The following SPAG16 variants were observed in gnomAD, a reference collection of about 807,000 sequenced individuals.
SPAG16 encodes the protein sperm-associated antigen 16 protein.
Under a neutral mutation model 80.4 loss-of-function variants are expected in SPAG16, and 86 were observed. That is an observed-to-expected ratio of 1.07 (90% confidence interval 0.90 to 1.28). SPAG16 has a LOEUF of 1.28. SPAG16 is among the 50% of genes most tolerant of loss of function. The pLI, the probability that SPAG16 is intolerant of heterozygous loss-of-function variation, is 0.00. For missense variants in SPAG16, 870 were observed against 765.3 expected (o/e 1.14, Z -1.61); for synonymous variants, 294 against 265.9 (o/e 1.11, Z -1.03).
chr2:213,763,038 A>C (rs1395502406), intron 10 of SPAG16, among the ~76,000 whole-genome samples: 2 of 152,232 alleles, frequency 1.3e-5, no homozygotes, highest in East Asian at 3.8e-4. Context: ...AAAGGTGCTC[A>C]CCATCACTAA....
chr2:213,401,534 C>CA lies in SPAG16; in HGVS notation c.942+26421dup, dbSNP rs149213255. Among the ~76,000 whole-genome samples, 904 of 152,250 alleles carry CA rather than the reference C, an allele frequency of 5.9e-3. 3 individuals are homozygous for CA. Among genetic ancestry groups the CA allele is most frequent in the Non-Finnish European group, 9.6e-3 (655 of 67,986 alleles). ...TATTCTTCATTTTTACAGTGAAATA[C>CA]AAAAAATCTCCTTTAAAAAGCTACT... On this transcript the variant is annotated intron_variant, in intron 9 of 15. Coordinates refer to ENST00000331683, the MANE Select transcript of SPAG16 (RefSeq NM_024532.5).
intron 14 of SPAG16, among the ~76,000 whole-genome samples, chr2:214,147,626 C>G (rs1391298163): frequency 1.3e-5 from 2 of 152,096 alleles, no homozygotes; most frequent in Non-Finnish European, 2.9e-5. Flanking sequence ...CTGTTCTTTC[C>G]TTTTCTGAAA....
intron 10 of SPAG16, among the ~76,000 whole-genome samples, chr2:213,817,560 T>A (rs534680758): frequency 1.2e-4 from 19 of 152,074 alleles, no homozygotes; most frequent in African/African-American, 3.4e-4. Flanking sequence ...CTATTTACAA[T>A]AGGAAAGACA....
At chr2:213,293,775 C>T (rs2062389904) in intron 1 of SPAG16, among the ~76,000 whole-genome samples, 1 of 152,146 alleles carries the variant, frequency 6.6e-6, no homozygotes, top group Non-Finnish European at 1.5e-5. Context: ...CTTATTGTTC[C>T]TTTTTCAGCG....
rs76308924 is a variant in SPAG16 at position 213,978,149 on chromosome 2, G to A, written c.1401-35802G>A. On this transcript the variant is annotated intron_variant, in intron 12 of 15. Transcript: ENST00000331683. ...TCTACTAATTCTATCCTTGTTTCCC[G>A]TCTTGGGACACTGGAAATCTTCAAA... 6.4e-3 allele frequency among the ~76,000 whole-genome samples: 977 copies of A among 151,492 alleles called. 7 individuals carry two copies. Among genetic ancestry groups the A allele is most frequent in the African/African-American group, 0.022 (913 of 41,274 alleles).
chr2:214,237,095 A>G (rs1488454195), intron 15 of SPAG16, among the ~76,000 whole-genome samples: 1 of 152,202 alleles, frequency 6.6e-6, no homozygotes, highest in African/African-American at 2.4e-5. Flanking sequence ...TATGTAGAGT[A>G]TTGACCCTTT....
At chr2:214,406,806 T>C (rs962836083) in intron 15 of SPAG16, among the ~76,000 whole-genome samples, 1 of 152,130 alleles carries the variant, frequency 6.6e-6, no homozygotes, top group African/African-American at 2.4e-5. Context: ...ATGCTCCTCA[T>C]TGAGTCCTAT....
At chr2:213,430,981 G>A (rs1230956973) in intron 9 of SPAG16, among the ~76,000 whole-genome samples, 1 of 152,118 alleles carries the variant, frequency 6.6e-6, no homozygotes, top group East Asian at 1.9e-4. Flanking sequence ...GCCAGAATAA[G>A]CTTCATAAAT....
intron 15 of SPAG16, among the ~76,000 whole-genome samples, chr2:214,269,997 T>C (rs1233424952): frequency 6.6e-6 from 1 of 152,200 alleles, no homozygotes; most frequent in Non-Finnish European, 1.5e-5. Flanking sequence ...AGAGAATGTC[T>C]TTTGACTTTT....
chr2:214,126,001 TC>T (rs2054460161), intron 14 of SPAG16, among the ~76,000 whole-genome samples: 1 of 8,036 alleles, frequency 1.2e-4, no homozygotes, highest in Non-Finnish European at 2.4e-4. Context: ...CTTCCTTCTT[TC>T]CTTCCTTCCT....
intron 10 of SPAG16, among the ~76,000 whole-genome samples, chr2:213,643,596 T>C (rs115380378): frequency 0.013 from 1,917 of 149,612 alleles, 17 homozygotes; most frequent in South Asian, 0.037. Flanking sequence ...GAATAAACTT[T>C]CTACCCCTAT....
intron 10 of SPAG16, among the ~76,000 whole-genome samples, chr2:213,582,451 C>T (rs1355679453): frequency 1.3e-5 from 2 of 151,960 alleles, no homozygotes; most frequent in Non-Finnish European, 2.9e-5. Flanking sequence ...AAACATGAGG[C>T]CTTGAGGTCA....
intron 9 of SPAG16, among the ~76,000 whole-genome samples, chr2:213,440,974 G>T (rs1006447465): frequency 6.6e-6 from 1 of 152,176 alleles, no homozygotes; most frequent in Non-Finnish European, 1.5e-5. Flanking sequence ...CAGCATAGGA[G>T]AAGCTATTTG....
At chr2:213,702,664 C>T (rs954250660) in intron 10 of SPAG16, among the ~76,000 whole-genome samples, 8 of 152,188 alleles carry the variant, frequency 5.3e-5, no homozygotes, top group South Asian at 2.1e-4. Context: ...TACAACTATC[C>T]GTAATCTATG....
At chr2:214,343,123 T>A (rs142846282) in intron 15 of SPAG16, among the ~76,000 whole-genome samples, 40 of 152,204 alleles carry the variant, frequency 2.6e-4, no homozygotes, top group Admixed American at 1.4e-3. Context: ...AAAAGTATAA[T>A]AACTATTTTA....
At chr2:213,848,649 C>T (rs2074746927) in intron 10 of SPAG16, among the ~76,000 whole-genome samples, 1 of 152,150 alleles carries the variant, frequency 6.6e-6, no homozygotes, top group South Asian at 2.1e-4. Context: ...TTTTTAACAA[C>T]TTTATCAAAG....
intron 15 of SPAG16, among the ~76,000 whole-genome samples, chr2:214,289,969 T>C (rs1312398789): frequency 6.6e-6 from 1 of 152,160 alleles, no homozygotes; most frequent in Non-Finnish European, 1.5e-5. Flanking sequence ...CTCTTCAATT[T>C]TTTTGAATAC....
intron 9 of SPAG16, among the ~76,000 whole-genome samples, chr2:213,444,971 G>T (rs568420827): frequency 1.3e-5 from 2 of 152,010 alleles, no homozygotes; most frequent in Non-Finnish European, 2.9e-5. Context: ...TTTGATAAAG[G>T]CACCAAGAAC....
At chr2:214,171,365 C>A (rs1353276994) in intron 15 of SPAG16, among the ~76,000 whole-genome samples, 1 of 151,872 alleles carries the variant, frequency 6.6e-6, no homozygotes, top group Admixed American at 6.6e-5. Flanking sequence ...GTGTTCTTTT[C>A]TCTAATTTAC....
Sources: gnomAD v4.1 joint callset for allele counts (sites outside exome capture counted in the v4.1 genomes callset) on GRCh38, gnomAD v4.1.1 for gene constraint, MANE v1.5 for transcripts, NCBI Gene and HGNC (gene_info 2026-07-23, HGNC 2026-07-21) for gene names.